OSBPL8: variants seen among roughly 807,000 people sequenced by gnomAD.
OSBPL8 encodes oxysterol-binding protein-related protein 8.
Under a neutral mutation model 125.5 loss-of-function variants are expected in OSBPL8, and 59 were observed. The ratio of observed to expected loss-of-function variants is 0.47; its 90% CI spans 0.38 to 0.58. The LOEUF (loss-of-function observed/expected upper bound fraction) is 0.58, where lower values mean the gene tolerates loss of function less well. OSBPL8 is among the 20% of genes least tolerant of loss of function. OSBPL8 has a pLI of 0.00. For synonymous variants in OSBPL8, 330 were observed against 338.9 expected (o/e 0.97, Z 0.29); for missense variants, 758 against 1,047.8 (o/e 0.72, Z 3.82).
chr12:76,472,938 G>T (rs578043125), intron 2 of OSBPL8, among the ~76,000 whole-genome samples: 11 of 152,118 alleles, frequency 7.2e-5, no homozygotes, highest in African/African-American at 2.6e-4. Flanking sequence ...CCGGGGAAAG[G>T]GAGACTCCCT....
chr12:76,493,583 C>T (rs1878964469), intron 1 of OSBPL8, among the ~76,000 whole-genome samples: 1 of 152,190 alleles, frequency 6.6e-6, no homozygotes, highest in Admixed American at 6.5e-5. Context: ...TTTCTGCTGA[C>T]AAATTCACTG....
chr12:76,365,746 A>G (rs1952390639), intron 21 of OSBPL8, among the ~76,000 whole-genome samples: 1 of 152,144 alleles, frequency 6.6e-6, no homozygotes, highest in Non-Finnish European at 1.5e-5. Flanking sequence ...AAATGCCCTT[A>G]ATGATGTTGA....
At position 76,517,685 on chromosome 12, in the gene OSBPL8, G is replaced by A. The variant is rs138295682; in HGVS notation, c.-67-30067C>T. 6.4e-3 allele frequency among the ~76,000 whole-genome samples: 967 copies of A among 152,264 alleles called. 8 individuals are homozygous for A. The highest frequency in any genetic ancestry group is 0.014 in the Middle Eastern group (4 of 294). On this transcript the variant is annotated intron_variant, in intron 1 of 23. Coordinates refer to ENST00000261183, the MANE Select transcript of OSBPL8 (RefSeq NM_020841.5). ...GGTTAATTGGGTTCATAGTTCTACC[G>A]GTGATACAGAAGCATGGCTCTGGCA... is the stretch of plus-strand genomic sequence containing the variant.
chr12:76,535,669 T>A lies in OSBPL8; in HGVS notation c.-68+23728A>T, dbSNP rs1259753929. 2.0e-5 allele frequency among the ~76,000 whole-genome samples: 3 copies of A among 152,178 alleles called. No homozygotes were observed. In the East Asian group the frequency reaches 5.8e-4, roughly 29 times the overall value. The stretch of plus-strand genomic sequence containing the variant: ...TCAAAAGGTGAATGGATAAACAAAT[T>A]GGATATTCATTACAATACTGTAATA... On this transcript the variant is annotated intron_variant, in intron 1 of 23. Transcript: ENST00000261183.
intron 4 of OSBPL8, among the ~76,000 whole-genome samples, chr12:76,448,650 T>G (rs1300847950): frequency 1.3e-5 from 2 of 152,200 alleles, no homozygotes; most frequent in East Asian, 3.8e-4. Flanking sequence ...TTACATAAAT[T>G]TTTATAGTTC....
At chr12:76,397,582 G>T in intron 8 of OSBPL8, 112 bp downstream of exon 8, 1 of 1,080,260 alleles carries the variant, frequency 9.3e-7, no homozygotes, top group Non-Finnish European at 1.3e-6. Context: ...ATGGAAAGCA[G>T]AACAGATTTA....
chr12:76,375,457 A>G, intron 16 of OSBPL8, 87 bp from the exon 17 acceptor site: 1 of 836,708 alleles, frequency 1.2e-6, no homozygotes, highest in South Asian at 1.7e-5. Flanking sequence ...CTAATCTTTT[A>G]GGAGAAACAT....
chr12:76,429,501 C>T (rs1870556838), intron 4 of OSBPL8, among the ~76,000 whole-genome samples: 1 of 151,954 alleles, frequency 6.6e-6, no homozygotes. Context: ...CATATAACAA[C>T]AATCTATTCA....
intron 4 of OSBPL8, among the ~76,000 whole-genome samples, chr12:76,420,705 A>G (rs1767583829): frequency 6.6e-6 from 1 of 152,072 alleles, no homozygotes; most frequent in African/African-American, 2.4e-5. Flanking sequence ...AATGCATCTA[A>G]AATAATTTTT....
intron 8 of OSBPL8, among the ~76,000 whole-genome samples, chr12:76,395,305 C>T (rs1445138636): frequency 6.6e-6 from 1 of 152,028 alleles, no homozygotes; most frequent in Non-Finnish European, 1.5e-5. Flanking sequence ...GTATACAATA[C>T]CAACACTAAT....
intron 1 of OSBPL8, among the ~76,000 whole-genome samples, chr12:76,558,203 ACTTTTC>A (rs1340016916): frequency 1.3e-5 from 2 of 152,332 alleles, no homozygotes; most frequent in African/African-American, 4.8e-5. Context: ...GCATGGCCTT[ACTTTTC>A]CTATTCCAAC....
intron 2 of OSBPL8, among the ~76,000 whole-genome samples, chr12:76,479,138 A>G (rs1272065437): frequency 6.6e-6 from 1 of 152,226 alleles, no homozygotes; most frequent in Non-Finnish European, 1.5e-5. Flanking sequence ...CAATAAAGCT[A>G]TAAAGTGGCA....
At chr12:76,485,469 A>G (rs1878029425) in intron 2 of OSBPL8, among the ~76,000 whole-genome samples, 2 of 152,046 alleles carry the variant, frequency 1.3e-5, no homozygotes, top group Non-Finnish European at 2.9e-5. Flanking sequence ...GCTACTCAGG[A>G]GGCTGAGGTA....
chr12:76,389,778 T>C lies in OSBPL8; in HGVS notation c.1219A>G (p.Ile407Val), dbSNP rs1172532747. The change falls in exon 12 of 24, where the codon ATC becomes GTC. Residue 407 changes from isoleucine (I) to valine (V), a missense_variant. Around this residue, in one of 3 missense-constraint regions of OSBPL8, gnomAD observed 572 missense variants for 762.0 expected, o/e 0.75. Transcript: ENST00000261183. Reference sequence around the variant, plus strand: ...CGGACTTGTTTCAATAGTGTCCAGATAAGGCTTTTGTTTTCTTCAGATACA... The same window carrying C: ...CGGACTTGTTTCAATAGTGTCCAGACAAGGCTTTTGTTTTCTTCAGATACA... ...ETVSEENKSLIWTLLKQVRPG... is the reference protein window; with the variant it reads ...ETVSEENKSLVWTLLKQVRPG... 1 of 1,583,676 alleles carries C rather than the reference T, an allele frequency of 6.3e-7. No individual in the cohort carries two copies. The highest frequency in any genetic ancestry group is 1.2e-5 in the South Asian group (1 of 85,670).
chr12:76,558,280 T>C (rs1486383860), intron 1 of OSBPL8, among the ~76,000 whole-genome samples: 2 of 152,202 alleles, frequency 1.3e-5, no homozygotes, highest in East Asian at 3.8e-4. Context: ...CTAGCAAGCA[T>C]AGAAACTGAT....
chr12:76,391,661 G>A (rs1348861299), intron 10 of OSBPL8, among the ~76,000 whole-genome samples: 2 of 152,262 alleles, frequency 1.3e-5, no homozygotes, highest in East Asian at 1.9e-4. Flanking sequence ...TACTGGGCAG[G>A]TTGAGACTGG....
rs759422888 is a variant in OSBPL8, at chr12:76,369,829, C to G, written c.2055-7G>C. The stretch of plus-strand genomic sequence containing the variant: ...AGTTACCCGTTGCCAGAGTCTAATA[C>G]ATGTGCGAAAATATTAAAAGTATTA... On this transcript the variant is annotated splice_region_variant and splice_polypyrimidine_tract_variant and intron_variant, in intron 19 of 23. Transcript: ENST00000261183. 5 of 1,598,294 alleles carry G rather than the reference C, an allele frequency of 3.1e-6. No individual in the cohort carries two copies. Among genetic ancestry groups the G allele is most frequent in the Non-Finnish European group, 4.3e-6 (5 of 1,173,682 alleles).
chr12:76,404,491 G>T (rs1335924612), intron 5 of OSBPL8, among the ~76,000 whole-genome samples: 2 of 151,732 alleles, frequency 1.3e-5, no homozygotes, highest in South Asian at 2.1e-4. Flanking sequence ...TTTTTCTACG[G>T]AAGTTACACT....
At chr12:76,482,934 C>G (rs561453349) in intron 2 of OSBPL8, among the ~76,000 whole-genome samples, 2 of 152,214 alleles carry the variant, frequency 1.3e-5, no homozygotes, top group African/African-American at 4.8e-5. Flanking sequence ...CCATATGCAA[C>G]TAGAATAACA....
Sources: gnomAD v4.1 joint callset for allele counts (sites outside exome capture counted in the v4.1 genomes callset) on GRCh38, gnomAD v4.1.1 for gene constraint, gnomAD v4.1.1 regional missense constraint, MANE v1.5 for transcripts, NCBI Gene and HGNC (gene_info 2026-07-23, HGNC 2026-07-21) for gene names.